The following C1orf159 variants were observed in gnomAD, a reference collection of about 807,000 sequenced individuals.
C1orf159 encodes the protein uncharacterized protein C1orf159.
In C1orf159, 19 loss-of-function variants were observed where a neutral mutation model predicts 25.6. The ratio of observed to expected loss-of-function variants is 0.74; its 90% CI spans 0.52 to 1.09. The LOEUF is 1.09. Ranked by LOEUF, C1orf159 falls within the 50% of genes least tolerant of loss-of-function variation. The pLI, the probability that C1orf159 is intolerant of heterozygous loss-of-function variation, is 0.00. For missense variants in C1orf159, 274 were observed against 290.6 expected (o/e 0.94, Z 0.42); for synonymous variants, 139 against 124.7 (o/e 1.12, Z -0.77).
At position 1,085,964 on chromosome 1, in the gene C1orf159, C is replaced by G; in HGVS notation, c.359G>C (p.Ser120Thr). The G allele has an allele frequency of 6.2e-7, 1 of 1,613,412 alleles. No homozygotes were observed. The highest frequency in any genetic ancestry group is 8.5e-7 in the Non-Finnish European group (1 of 1,179,818). The change falls in exon 7 of 10, where the codon AGC becomes ACC. Residue 120 changes from serine to threonine, a missense_variant. Ser to Thr is a moderately conservative substitution (Grantham distance 58). Coordinates refer to ENST00000421241, the MANE Select transcript of C1orf159 (RefSeq NM_017891.5). ...ASLFLGTFFISSGLILSVAGF... is the reference protein window; with the variant it reads ...ASLFLGTFFITSGLILSVAGF... The stretch of plus-strand genomic sequence containing the variant: ...AGCTACGGAGAGGATGAGGCCGGAG[C>G]TAATGAAGAACGTGCCCAGGAAGAG...
At chr1:1,099,769 T>C (rs955472895) in intron 1 of C1orf159, among the ~76,000 whole-genome samples, 1 of 144,936 alleles carries the variant, frequency 6.9e-6, no homozygotes, top group African/African-American at 2.7e-5. Context: ...TTTTGGTCTA[T>C]TGTTCTAAGA....
intron 1 of C1orf159, among the ~76,000 whole-genome samples, chr1:1,106,478 T>G (rs1356328890): frequency 6.6e-6 from 1 of 152,140 alleles, no homozygotes; most frequent in Non-Finnish European, 1.5e-5. Flanking sequence ...ACACACAAAA[T>G]TAAACACAGA....
chr1:1,107,517 G>A lies in C1orf159; in HGVS notation c.-136+8543C>T, dbSNP rs113837687. Among the ~76,000 whole-genome samples the A allele has an allele frequency of 2.9e-3, 449 of 152,284 alleles. 3 individuals are homozygous for A. Among genetic ancestry groups the A allele is most frequent in the African/African-American group, 0.01 (420 of 41,556 alleles). On this transcript the variant is annotated intron_variant, in intron 1 of 9. Transcript: ENST00000421241. ...GCTCTGTGTCTAGTTAATCTAGTGG[G>A]GACTTGGAGAACTTTTACGTCTAGC...
Position 1,084,107 on chromosome 1 carries a change from T to C in C1orf159, c.502+246A>G, listed in dbSNP as rs147852840. Reference sequence around the variant, plus strand: ...CACGTCTCGGGAACAGGAAAGAGCATGGAAGTCACGGGGATTAAAGGGGGG... The same window carrying C: ...CACGTCTCGGGAACAGGAAAGAGCACGGAAGTCACGGGGATTAAAGGGGGG... On this transcript the variant is annotated intron_variant, in intron 9 of 9. Transcript: ENST00000421241. The C allele has an allele frequency of 3.7e-5, 58 of 1,586,396 alleles. No individual in the cohort carries two copies. The East Asian group carries it at 1.3e-3, about 35-fold the overall frequency.
chr1:1,113,820 C>T (rs372177259), intron 1 of C1orf159, among the ~76,000 whole-genome samples: 6 of 151,628 alleles, frequency 4.0e-5, no homozygotes, highest in African/African-American at 7.3e-5. Flanking sequence ...ATTCTTCCCT[C>T]GGGGTGGGCC....
intron 1 of C1orf159, among the ~76,000 whole-genome samples, chr1:1,109,394 A>C (rs1646227969): frequency 6.6e-6 from 1 of 152,154 alleles, no homozygotes; most frequent in Admixed American, 6.5e-5. Flanking sequence ...ATGGGGAGTT[A>C]GTGTTTAATG....
chr1:1,083,827 G>A (rs1013355806), intron 9 of C1orf159: 3 of 1,254,992 alleles, frequency 2.4e-6, no homozygotes, highest in Admixed American at 4.2e-5. Flanking sequence ...GAGGCCGGGT[G>A]AGCCCTGCTC....
chr1:1,113,718 G>C (rs1040481681), intron 1 of C1orf159, among the ~76,000 whole-genome samples: 1 of 152,130 alleles, frequency 6.6e-6, no homozygotes, highest in Non-Finnish European at 1.5e-5. Flanking sequence ...TTGGAAGAAG[G>C]CCAGGCAGGA....
chr1:1,115,574 C>G (rs1646325607), intron 1 of C1orf159, among the ~76,000 whole-genome samples: 1 of 107,462 alleles, frequency 9.3e-6, no homozygotes, highest in Non-Finnish European at 2.0e-5. Context: ...TCCCCAGGGA[C>G]CCCCTTCCCT....
At chr1:1,091,379 A>T (rs1645931383) in intron 3 of C1orf159, 93 bp downstream of exon 3, 4 of 1,191,558 alleles carry the variant, frequency 3.4e-6, no homozygotes, top group Non-Finnish European at 4.9e-6. Flanking sequence ...AGTGTCCTAA[A>T]GGTGGAAGGG....
intron 1 of C1orf159, among the ~76,000 whole-genome samples, chr1:1,108,387 G>GCA (rs1646207809): frequency 2.8e-5 from 2 of 71,966 alleles, no homozygotes; most frequent in African/African-American, 7.7e-5. Flanking sequence ...ACCATGTCTC[G>GCA]GCACCGTTCA....
At position 1,087,199 on chromosome 1, in the gene C1orf159, C is replaced by G; in HGVS notation, c.250G>C (p.Gly84Arg). 6.2e-7 allele frequency: 1 copy of G among 1,607,172 alleles called. No individual in the cohort carries two copies. Among genetic ancestry groups the G allele is most frequent in the Non-Finnish European group, 8.5e-7 (1 of 1,177,630 alleles). The change falls in exon 6 of 10, where the codon GGC becomes CGC. Residue 84 changes from glycine to arginine, a missense_variant. By Grantham distance (125) the Gly-to-Arg change is moderately radical. Transcript: ENST00000421241. The surrounding 1 kb of genome is among the most constrained non-coding windows in gnomAD (Gnocchi z 8.3). ...TTCATGGGGAATGGCGCACCCGGGC[C>G]AGCAACTGTGGGATAGCAGAACTGT... ...YNGSECRSFA[G>R]PGAPFPMNRS...
chr1:1,107,773 C>T (rs969070497), intron 1 of C1orf159, among the ~76,000 whole-genome samples: 39 of 152,238 alleles, frequency 2.6e-4, no homozygotes, highest in African/African-American at 8.4e-4. Flanking sequence ...AAGCTTTGTT[C>T]TTTCGCTCTT....
intron 1 of C1orf159, among the ~76,000 whole-genome samples, chr1:1,096,671 G>T (rs1484992732): frequency 6.6e-6 from 1 of 152,222 alleles, no homozygotes; most frequent in East Asian, 1.9e-4. Flanking sequence ...ATTCTTCCAA[G>T]AGTTTATCCA....
At chr1:1,104,091 G>GA (rs776050301) in intron 1 of C1orf159, among the ~76,000 whole-genome samples, 13 of 152,080 alleles carry the variant, frequency 8.5e-5, no homozygotes, top group Non-Finnish European at 1.5e-4. Flanking sequence ...AGGCTCACGC[G>GA]ATTCTCCTGC....
At chr1:1,115,471 G>A (rs1386076574) in intron 1 of C1orf159, among the ~76,000 whole-genome samples, 1 of 139,680 alleles carries the variant, frequency 7.2e-6, no homozygotes, top group African/African-American at 2.8e-5. Context: ...TCCCCCGGGC[G>A]CCCGTCCCAT....
rs112045274 is a variant in C1orf159 at position 1,089,117 on chromosome 1, C to T, written c.148+1236G>A. Among the ~76,000 whole-genome samples the T allele has an allele frequency of 3.4e-4, 51 of 152,190 alleles. No homozygotes were observed. Among genetic ancestry groups the T allele is most frequent in the African/African-American group, 1.1e-3 (45 of 41,452 alleles). On this transcript the variant is annotated intron_variant, in intron 4 of 9. Transcript: ENST00000421241. This position sits in a 1 kb window ranked among gnomAD's most constrained non-coding sequence, Gnocchi z 7.5. ...GCGGAGACGTGACCTGGCTTGGGGC[C>T]GCACGCAGGGGGAAGCGTATCCAAC...
At chr1:1,095,072 C>T (rs912662119) in intron 1 of C1orf159, among the ~76,000 whole-genome samples, 1 of 152,250 alleles carries the variant, frequency 6.6e-6, no homozygotes, top group Non-Finnish European at 1.5e-5. Context: ...TTCTGTTCCA[C>T]TCACCTGTGT....
At chr1:1,092,192 C>T (rs1054166853) in intron 1 of C1orf159, 89 bp from the exon 2 acceptor site, 7 of 334,924 alleles carry the variant, frequency 2.1e-5, no homozygotes, top group East Asian at 1.8e-4. Context: ...GGGTCCGGTC[C>T]GGGCCCTCTG....
Sources: gnomAD v4.1 joint callset for allele counts (sites outside exome capture counted in the v4.1 genomes callset) on GRCh38, gnomAD v4.1.1 for gene constraint, Gnocchi (gnomAD v3.1) non-coding constraint, MANE v1.5 for transcripts, NCBI Gene and HGNC (gene_info 2026-07-23, HGNC 2026-07-21) for gene names.